The following IGSF10 variants were observed in gnomAD, a reference collection of about 807,000 sequenced individuals.
IGSF10 encodes immunoglobulin superfamily member 10.
A neutral mutation model predicts 128.2 loss-of-function variants in IGSF10; 126 were observed. That is an observed-to-expected ratio of 0.98 (90% CI 0.85 to 1.14). The LOEUF (loss-of-function observed/expected upper bound fraction) is 1.14. Among genes scored for constraint, IGSF10 ranks in the 50% most tolerant of loss-of-function variants. The pLI is 0.00. For synonymous variants in IGSF10, 1,185 were observed against 1,146.2 expected (o/e 1.03, Z -0.68); for missense variants, 3,295 against 3,149.8 (o/e 1.05, Z -1.10).
chr3:151,463,058 A>C (rs940446992), upstream of IGSF10, among the ~76,000 whole-genome samples: 1 of 152,226 alleles, frequency 6.6e-6, no homozygotes, highest in Non-Finnish European at 1.5e-5. Context: ...GCAACATGTT[A>C]AACTTATTTT....
At chr3:151,544,526 G>C in the IGSF10 span, among the ~76,000 whole-genome samples, 1 of 152,100 alleles carries the variant, frequency 6.6e-6, no homozygotes, top group Admixed American at 6.5e-5. Context: ...CTAAATTGGA[G>C]AGCATTTTCA....
the IGSF10 span, among the ~76,000 whole-genome samples, chr3:151,524,930 T>C: frequency 6.6e-6 from 1 of 151,078 alleles, no homozygotes; most frequent in Admixed American, 6.6e-5. Flanking sequence ...TAGTATCAAA[T>C]GTCTTTTCCA....
the IGSF10 span, among the ~76,000 whole-genome samples, chr3:151,484,477 G>T: frequency 4.6e-5 from 7 of 152,272 alleles, no homozygotes; most frequent in African/African-American, 1.7e-4. Context: ...CCTCAAGTGG[G>T]TCCCTGACCC....
At chr3:151,542,840 CAT>C in the IGSF10 span, among the ~76,000 whole-genome samples, 6 of 152,162 alleles carry the variant, frequency 3.9e-5, no homozygotes, top group African/African-American at 1.2e-4. Flanking sequence ...GTTAAAATCA[CAT>C]GTTTTTATTA....
rs1720372126 is a variant in IGSF10 at position 151,437,141 on chromosome 3, C to T, written c.7420G>A (p.Val2474Ile). 6.2e-7 allele frequency: 1 copy of T among 1,614,166 alleles called. No homozygotes were observed. Among genetic ancestry groups the T allele is most frequent in the South Asian group, 1.1e-5 (1 of 91,088 alleles). The change falls in exon 8 of 8, where the codon GTA becomes ATA. Residue 2474 changes from valine (V) to isoleucine (I), a missense_variant. Transcript: ENST00000282466. ...IKWTMPSGYV[V>I]DRPQINGKYI... ...TTCCCATTAATTTGAGGCCTGTCTA[C>T]TACATAACCACTTGGCATAGTCCAT...
the IGSF10 span, among the ~76,000 whole-genome samples, chr3:151,497,588 A>G: frequency 2.2e-4 from 33 of 152,156 alleles, no homozygotes; most frequent in African/African-American, 7.7e-4. Flanking sequence ...GCCTTGTAGT[A>G]TAGTTTGAAG....
chr3:151,558,027 A>ATTATATATATATTATATAT, the IGSF10 span, among the ~76,000 whole-genome samples: 1 of 52,932 alleles, frequency 1.9e-5, no homozygotes, highest in Non-Finnish European at 3.4e-5. Flanking sequence ...TAATATATAT[A>ATTATATATATATTATATAT]TTGGTACAAT....
the IGSF10 span, among the ~76,000 whole-genome samples, chr3:151,607,479 A>C: frequency 6.6e-6 from 1 of 152,150 alleles, no homozygotes; most frequent in Admixed American, 6.5e-5. Context: ...GGGGCTGAAG[A>C]AGGGCAGACA....
Position 151,438,310 on chromosome 3 carries a change from A to G in IGSF10, c.6251T>C (p.Met2084Thr), listed in dbSNP as rs751741616. Reference sequence around the variant, plus strand: ...CCTGTGGCCACTGTCATCGGCTTGCATTGCATTGTTGATCATGGTTCCATC... The same window carrying G: ...CCTGTGGCCACTGTCATCGGCTTGCGTTGCATTGTTGATCATGGTTCCATC... ...LPDGTMINNA[M>T]QADDSGHRTR... The change falls in exon 8 of 8, where the codon ATG becomes ACG. Residue 2084 changes from methionine (M) to threonine (T), a missense_variant. Coordinates refer to ENST00000282466, the MANE Select transcript of IGSF10 (RefSeq NM_178822.5). The G allele has an allele frequency of 1.2e-6, 2 of 1,613,994 alleles. No homozygotes were observed. The highest frequency in any genetic ancestry group is 1.7e-6 in the Non-Finnish European group (2 of 1,180,026).
the IGSF10 span, among the ~76,000 whole-genome samples, chr3:151,594,424 C>G: frequency 4.0e-5 from 6 of 151,054 alleles, no homozygotes; most frequent in African/African-American, 1.5e-4. Flanking sequence ...AGCTCCGCCT[C>G]CCGGGTTCAC....
chr3:151,528,604 G>T, the IGSF10 span, among the ~76,000 whole-genome samples: 11 of 152,158 alleles, frequency 7.2e-5, no homozygotes, highest in African/African-American at 2.7e-4. Context: ...ACAAAGGGTT[G>T]GGGGATTTCC....
At chr3:151,502,113 T>TA in the IGSF10 span, among the ~76,000 whole-genome samples, 2 of 152,110 alleles carry the variant, frequency 1.3e-5, no homozygotes, top group African/African-American at 4.8e-5. Context: ...GTGCTCATGT[T>TA]ACACCTATGA....
chr3:151,447,876 G>C lies in IGSF10; in HGVS notation c.2105C>G (p.Ala702Gly). The change falls in exon 6 of 8, where the codon GCT becomes GGT. Residue 702 changes from alanine to glycine, a missense_variant. Coordinates refer to ENST00000282466, the MANE Select transcript of IGSF10 (RefSeq NM_178822.5). ...TTTTCCAACCTCAGCCTCCATCAGA[G>C]CAGATGTACGGAGTTGTGCACCTGG... The part of the protein sequence containing the change: ...EPPGAQLRTS[A>G]LMEAEVGKHT... 1 of 1,614,084 alleles carries C rather than the reference G, an allele frequency of 6.2e-7. No homozygotes were observed. Among genetic ancestry groups the C allele is most frequent in the Non-Finnish European group, 8.5e-7 (1 of 1,179,980 alleles).
At chr3:151,433,143 G>T (rs1719716731), downstream of IGSF10, 2 of 188,078 alleles carry the variant, frequency 1.1e-5, no homozygotes, top group Middle Eastern at 2.2e-3. Context: ...TGGATCTAAG[G>T]TATTTATGTA....
At chr3:151,467,760 T>C in the IGSF10 span, among the ~76,000 whole-genome samples, 1 of 151,756 alleles carries the variant, frequency 6.6e-6, no homozygotes, top group African/African-American at 2.4e-5. Flanking sequence ...GGCGGGCACC[T>C]GTAGTCCCAG....
At chr3:151,442,880 A>AC in intron 7 of IGSF10, 104 bp downstream of exon 7, 1 of 930,382 alleles carries the variant, frequency 1.1e-6, no homozygotes, top group Non-Finnish European at 1.6e-6. Flanking sequence ...GTCTATGTGT[A>AC]CTCTAAAACT....
At chr3:151,481,829 AC>A in the IGSF10 span, among the ~76,000 whole-genome samples, 1 of 152,166 alleles carries the variant, frequency 6.6e-6, no homozygotes, top group Non-Finnish European at 1.5e-5. Context: ...AAATCTGTTA[AC>A]TAAAGAGGAT....
At position 151,447,273 on chromosome 3, in the gene IGSF10, A is replaced by T. The variant is rs746658809; in HGVS notation, c.2708T>A (p.Phe903Tyr). ...TCTTCCCATCTGGTCAGAGTCCTGA[A>T]ATTCAGTTGCTCCAAGTAGCAGTGG... The part of the protein sequence containing the change: ...VFPLLLGATE[F>Y]QDSDQMGRGR... Residue 903 changes from phenylalanine to tyrosine, a missense_variant, in exon 6 of 8, where the codon TTT becomes TAT. By Grantham distance (22) the Phe-to-Tyr change is conservative. Transcript: ENST00000282466. The T allele has an allele frequency of 1.9e-6, 3 of 1,614,158 alleles. No individual in the cohort carries two copies. Among genetic ancestry groups the T allele is most frequent in the Non-Finnish European group, 2.5e-6 (3 of 1,180,024 alleles).
chr3:151,533,351 C>G, the IGSF10 span, among the ~76,000 whole-genome samples: 1 of 152,076 alleles, frequency 6.6e-6, no homozygotes, highest in African/African-American at 2.4e-5. Context: ...CCCACATAGC[C>G]AAGACAATCT....
Sources: gnomAD v4.1 joint callset for allele counts (sites outside exome capture counted in the v4.1 genomes callset) on GRCh38, gnomAD v4.1.1 for gene constraint, MANE v1.5 for transcripts, NCBI Gene and HGNC (gene_info 2026-07-23, HGNC 2026-07-21) for gene names.